The following DPP8 variants were observed in gnomAD, a reference collection of about 807,000 sequenced individuals.
DPP8 encodes dipeptidyl peptidase 8.
In DPP8, 31 loss-of-function variants were observed where a neutral mutation model predicts 107.5. The observed-to-expected ratio is 0.29, with a 90% CI of 0.22 to 0.39. The LOEUF (loss-of-function observed/expected upper bound fraction) is 0.39, where lower values mean the gene tolerates loss of function less well. Ranked by LOEUF, DPP8 falls within the 10% of genes least tolerant of loss-of-function variation. DPP8 has a pLI of 1.00. For synonymous variants in DPP8, 381 were observed against 356.6 expected, an observed-to-expected ratio of 1.07 and a Z score of -0.77; for missense variants, 842 against 1,076.1, an observed-to-expected ratio of 0.78 and a Z score of 3.04.
chr15:65,444,455 G>A lies in DPP8; in HGVS notation c.*2429C>T, dbSNP rs2063417515. The stretch of plus-strand genomic sequence containing the variant: ...ACTTTTATATATTCTTGCCGTTTAA[G>A]CTGTTACCCATACTCAGGGGGTACA... On this transcript the variant is annotated 3_prime_UTR_variant, in exon 20 of 20. Transcript: ENST00000300141. The A allele has an allele frequency of 6.6e-6, 1 of 152,164 alleles. No individual in the cohort carries two copies. Among genetic ancestry groups the A allele is most frequent in the South Asian group, 2.1e-4 (1 of 4,834 alleles). 9.4% of individuals were successfully genotyped at this position (152,164 alleles called of 1,614,324 possible).
Position 65,507,100 on chromosome 15 carries a change from T to A in DPP8, c.372+143A>T, listed in dbSNP as rs542437907. On this transcript the variant is annotated intron_variant, in intron 3 of 19. Coordinates refer to ENST00000300141, the MANE Select transcript of DPP8 (RefSeq NM_130434.5). Reference sequence around the variant, plus strand: ...TCAGATATCAAGAATTAAATGGAATTTCAGGGTCATACATGCAAAAACATA... The same window carrying A: ...TCAGATATCAAGAATTAAATGGAATATCAGGGTCATACATGCAAAAACATA... 1.8e-5 allele frequency: 8 copies of A among 456,222 alleles called. No individual in the cohort carries two copies. In the South Asian group the frequency reaches 3.8e-4, roughly 22 times the overall value. 28.3% of individuals were successfully genotyped at this position (456,222 alleles called of 1,614,324 possible).
At chr15:65,469,653 CAAAAAAAAAAAA>C (rs61311948) in intron 12 of DPP8, among the ~76,000 whole-genome samples, 5 of 66,554 alleles carry the variant, frequency 7.5e-5, no homozygotes, top group African/African-American at 3.0e-4. Context: ...AACTCCGTCT[CAAAAAAAAAAAA>C]AAAAAAAAAA....
intron 16 of DPP8, among the ~76,000 whole-genome samples, chr15:65,454,717 G>A (rs1341808710): frequency 3.9e-5 from 6 of 152,072 alleles, no homozygotes; most frequent in African/African-American, 9.7e-5. Context: ...TAGTAGAGAC[G>A]GAGTTTCACT....
rs1010990956 is a variant in DPP8, at chr15:65,508,119, A to T, written c.260-764T>A. The stretch of plus-strand genomic sequence containing the variant: ...GCTGGGCGTGGTGGCACGTGCCTGT[A>T]ATCCCAGCTATTTGGGTGGCTGAGG... On this transcript the variant is annotated intron_variant, in intron 2 of 19. Coordinates refer to ENST00000300141, the MANE Select transcript of DPP8 (RefSeq NM_130434.5). Among the ~76,000 whole-genome samples, 74 of 152,076 alleles carry T rather than the reference A, an allele frequency of 4.9e-4. 2 individuals carry two copies. Among genetic ancestry groups the T allele is most frequent in the Non-Finnish European group, 1.8e-4 (12 of 68,024 alleles).
chr15:65,471,364 T>G (rs1159353161), intron 12 of DPP8, among the ~76,000 whole-genome samples: 1 of 152,130 alleles, frequency 6.6e-6, no homozygotes, highest in Non-Finnish European at 1.5e-5. Flanking sequence ...TGCTGTTGTT[T>G]TGAGGCGGGT....
At chr15:65,467,004 A>C in intron 13 of DPP8, 67 bp downstream of exon 13, 1 of 1,574,446 alleles carries the variant, frequency 6.4e-7, no homozygotes, top group Admixed American at 1.8e-5. Flanking sequence ...CACATCATTC[A>C]AAAGGAGTAT....
intron 1 of DPP8, among the ~76,000 whole-genome samples, chr15:65,513,749 T>C (rs1233352346): frequency 1.3e-5 from 2 of 152,226 alleles, no homozygotes; most frequent in African/African-American, 4.8e-5. Context: ...CTAATGTTTA[T>C]TCTCATTTCA....
chr15:65,497,051 G>A (rs635728), intron 5 of DPP8, among the ~76,000 whole-genome samples: 66,624 of 151,750 alleles, frequency 0.44, 17,146 homozygotes, highest in Non-Finnish European at 0.57. Flanking sequence ...CCACCATTCC[G>A]GCTAATTTTT....
chr15:65,470,275 A>C (rs999566140), intron 12 of DPP8, among the ~76,000 whole-genome samples: 3 of 151,512 alleles, frequency 2.0e-5, no homozygotes, highest in African/African-American at 7.3e-5. Context: ...AAAGTAGAGA[A>C]GGAAAAAGGT....
intron 17 of DPP8, 123 bp downstream of exon 17, chr15:65,454,135 TCAAAA>T: frequency 2.1e-6 from 1 of 483,546 alleles, no homozygotes; most frequent in Non-Finnish European, 3.0e-6. Flanking sequence ...AGACTTCGTC[TCAAAA>T]AAAAAAAAAA....
intron 15 of DPP8, among the ~76,000 whole-genome samples, chr15:65,461,644 C>A (rs1334092374): frequency 6.7e-6 from 1 of 149,532 alleles, no homozygotes; most frequent in Non-Finnish European, 1.5e-5. Flanking sequence ...GCTGTGTTGT[C>A]CAGGCCGGAG....
chr15:65,487,570 C>T (rs1432185481), intron 7 of DPP8, 120 bp downstream of exon 7: 2 of 900,076 alleles, frequency 2.2e-6, no homozygotes, highest in East Asian at 5.5e-5. Context: ...TAGTGAACAA[C>T]CCGTCGTAAA....
chr15:65,495,297 T>C (rs1013390422), intron 5 of DPP8, among the ~76,000 whole-genome samples: 3 of 152,136 alleles, frequency 2.0e-5, no homozygotes, highest in Admixed American at 6.6e-5. Context: ...CTGTCTCACA[T>C]TGGTGCTCTT....
chr15:65,502,047 G>A (rs1420880770), intron 3 of DPP8, among the ~76,000 whole-genome samples: 1 of 152,014 alleles, frequency 6.6e-6, no homozygotes, highest in Admixed American at 6.6e-5. Context: ...GTGCCACCAC[G>A]CCCAGCTAAT....
At chr15:65,485,736 T>A (rs181600124) in intron 7 of DPP8, among the ~76,000 whole-genome samples, 97 of 152,122 alleles carry the variant, frequency 6.4e-4, no homozygotes, top group African/African-American at 2.3e-3. Flanking sequence ...GGCAGGCAGA[T>A]CACTTGAGCT....
chr15:65,450,887 A>T, intron 19 of DPP8, 112 bp downstream of exon 19: 1 of 670,896 alleles, frequency 1.5e-6, no homozygotes, highest in Non-Finnish European at 2.6e-6. Flanking sequence ...TAGTTCTCTT[A>T]AGCAGAGGGT....
rs988054195 is a variant in DPP8 at position 65,446,003 on chromosome 15, T to C, written c.*881A>G. Reference sequence around the variant, plus strand: ...ATTCTAGAATATTTTAATAAGGAAATACCAAATGGAAACTGGCACCACTAA... The same window carrying C: ...ATTCTAGAATATTTTAATAAGGAAACACCAAATGGAAACTGGCACCACTAA... On this transcript the variant is annotated 3_prime_UTR_variant, in exon 20 of 20. Transcript: ENST00000300141. 6.6e-6 allele frequency: 1 copy of C among 151,836 alleles called. No homozygotes were observed. Among genetic ancestry groups the C allele is most frequent in the Non-Finnish European group, 1.5e-5 (1 of 67,976 alleles). The allele number at this position is 151,836 out of a possible 1,614,324, so 9.4% of individuals were successfully genotyped here.
At chr15:65,460,228 G>C (rs1354392681) in intron 15 of DPP8, among the ~76,000 whole-genome samples, 1 of 151,868 alleles carries the variant, frequency 6.6e-6, no homozygotes, top group African/African-American at 2.4e-5. Context: ...GATCATTTGA[G>C]GTCAGGAGTT....
chr15:65,481,669 T>C (rs2066937753), intron 8 of DPP8, 54 bp from the exon 9 acceptor site: 1 of 1,033,062 alleles, frequency 9.7e-7, no homozygotes, highest in Non-Finnish European at 1.4e-6. Context: ...GATAAATAAT[T>C]AGCTTGCTAG....
Sources: allele counts gnomAD v4.1 joint callset (sites outside exome capture counted in the v4.1 genomes callset), GRCh38; gene constraint gnomAD v4.1.1; transcripts MANE v1.5; gene names NCBI Gene and HGNC (gene_info 2026-07-23, HGNC 2026-07-21).